Variants in CNTNAP3B observed in about 807,000 individuals in gnomAD.
CNTNAP3B encodes the protein contactin associated protein family member 3B, also known as contactin-associated protein-like 3B.
CNTNAP3B carries 25 observed loss-of-function variants against 108.9 expected under a neutral mutation model. The observed-to-expected ratio is 0.23, with a 90% confidence interval of 0.17 to 0.32. CNTNAP3B has a LOEUF of 0.32. Ranked by LOEUF, CNTNAP3B falls within the 10% of genes least tolerant of loss-of-function variation. CNTNAP3B has a pLI of 1.00. For missense variants in CNTNAP3B, 252 were observed against 1,210.4 expected (o/e 0.21, Z 11.75); for synonymous variants, 103 against 473.4 (o/e 0.22, Z 10.16).
At chr9:42,095,384 G>C (rs1370682201) in intron 2 of CNTNAP3B, among the ~76,000 whole-genome samples, 1 of 139,194 alleles carries the variant, frequency 7.2e-6, no homozygotes, top group Non-Finnish European at 1.5e-5. Context: ...CACCTTTGAT[G>C]TACTTGGCTC....
rs1476511374 is a variant in CNTNAP3B at position 41,929,221 on chromosome 9, C to A, written c.2365+96G>T. 6 of 1,433,568 alleles carry A rather than the reference C, an allele frequency of 4.2e-6. 1 individual carries two copies. In the South Asian group the frequency reaches 5.9e-5, roughly 14 times the overall value. 88.8% of individuals were successfully genotyped at this position (1,433,568 alleles called of 1,614,324 possible). ...ATTCGCCCCAGTCCTAGTACTGCCA[C>A]TATTCTCTTTCTGGCAAGAACAAGG... On this transcript the variant is annotated intron_variant, in intron 15 of 23. Coordinates refer to ENST00000377561, the MANE Select transcript of CNTNAP3B (RefSeq NM_001201380.3).
chr9:42,079,842 A>T lies in CNTNAP3B; in HGVS notation c.197-2780T>A, dbSNP rs1393476836. Among the ~76,000 whole-genome samples the T allele has an allele frequency of 5.9e-5, 8 of 135,906 alleles. 1 individual carries two copies. Among genetic ancestry groups the T allele is most frequent in the African/African-American group, 2.4e-4 (8 of 33,738 alleles). 89.2% of individuals were successfully genotyped at this position (135,906 alleles called of 152,430 possible). On this transcript the variant is annotated intron_variant, in intron 2 of 23. Coordinates refer to ENST00000377561, the MANE Select transcript of CNTNAP3B (RefSeq NM_001201380.3). ...GCCTATTTTATGGTTGTTTTAAAAGAGTTGGGAGAAGGTGAAGGAGATGCT... is the reference window on the plus strand; with the variant it reads ...GCCTATTTTATGGTTGTTTTAAAAGTGTTGGGAGAAGGTGAAGGAGATGCT...
chr9:41,925,562 C>A (rs1823793599), intron 15 of CNTNAP3B, among the ~76,000 whole-genome samples: 1 of 152,216 alleles, frequency 6.6e-6, no homozygotes, highest in Non-Finnish European at 1.5e-5. Context: ...CACTGCACTC[C>A]AGCCTGCGCA....
rs974840660 is a variant in CNTNAP3B at position 42,113,969 on chromosome 9, A to G, written c.86-9230T>C. ...AAAACTAAAAAAATTAAAAATAATA[A>G]TAATTCTTTCTATGCACCTCTGAGA... is the stretch of plus-strand genomic sequence containing the variant. On this transcript the variant is annotated intron_variant, in intron 1 of 23. Transcript: ENST00000377561. Among the ~76,000 whole-genome samples, 25 of 132,908 alleles carry G rather than the reference A, an allele frequency of 1.9e-4. 4 individuals carry two copies. The highest frequency in any genetic ancestry group is 7.3e-4 in the African/African-American group (24 of 32,802). 87.2% of individuals were successfully genotyped at this position (132,908 alleles called of 152,430 possible). A position where few individuals can be genotyped will look rare whatever the true frequency, so the allele number is the denominator to read the frequency against.
At chr9:42,122,310 A>T (rs1828479894) in intron 1 of CNTNAP3B, among the ~76,000 whole-genome samples, 1 of 139,266 alleles carries the variant, frequency 7.2e-6, no homozygotes, top group Non-Finnish European at 1.5e-5. Context: ...TTGTTAGTGG[A>T]CAAGAATGAA....
At chr9:41,922,088 T>C (rs1823684654) in intron 17 of CNTNAP3B, among the ~76,000 whole-genome samples, 1 of 141,652 alleles carries the variant, frequency 7.1e-6, no homozygotes. Flanking sequence ...CTGGGATCTC[T>C]CTCATTAGCT....
intron 1 of CNTNAP3B, among the ~76,000 whole-genome samples, chr9:42,120,854 G>A (rs1196039659): frequency 1.2e-4 from 16 of 132,134 alleles, no homozygotes; most frequent in Non-Finnish European, 9.6e-5. Context: ...GATAGCATTA[G>A]GAGATATACC....
In CNTNAP3B at chr9:41,924,280, G is replaced by C. The variant is rs1412158891; in HGVS notation, c.2366-187C>G. Among the ~76,000 whole-genome samples, 4 of 152,308 alleles carry C rather than the reference G, an allele frequency of 2.6e-5. No homozygotes were observed. In the East Asian group the frequency reaches 7.7e-4, roughly 29 times the overall value. ...AAGAGCTAAATGGTGATTACGCTGA[G>C]GATTGGAATTCTGTGTTCAGAGAAG... On this transcript the variant is annotated intron_variant, in intron 15 of 23. Coordinates refer to ENST00000377561, the MANE Select transcript of CNTNAP3B (RefSeq NM_001201380.3).
intron 1 of CNTNAP3B, among the ~76,000 whole-genome samples, chr9:42,127,852 A>G (rs1278584776): frequency 2.2e-5 from 3 of 138,856 alleles, no homozygotes; most frequent in South Asian, 4.6e-4. Context: ...CCTTGAGCCC[A>G]CAGGCAGAAC....
At chr9:41,956,083 A>G (rs1404726738) in intron 12 of CNTNAP3B, among the ~76,000 whole-genome samples, 1 of 152,234 alleles carries the variant, frequency 6.6e-6, no homozygotes, top group African/African-American at 2.4e-5. Flanking sequence ...AGAGTAAAAA[A>G]AAAAATAATA....
intron 3 of CNTNAP3B, among the ~76,000 whole-genome samples, chr9:42,055,320 G>C (rs1363181947): frequency 7.6e-6 from 1 of 130,794 alleles, no homozygotes; most frequent in African/African-American, 3.1e-5. Flanking sequence ...TATATTCATT[G>C]TGGGAATTTC....
intron 2 of CNTNAP3B, among the ~76,000 whole-genome samples, chr9:42,093,475 T>C (rs1367816798): frequency 1.1e-5 from 1 of 92,334 alleles, no homozygotes; most frequent in African/African-American, 4.0e-5. Context: ...GTAATACACA[T>C]CACAGGAAAT....
rs1432970184 is a variant in CNTNAP3B at position 42,118,521 on chromosome 9, C to T, written c.85+10489G>A. On this transcript the variant is annotated intron_variant, in intron 1 of 23. Coordinates refer to ENST00000377561, the MANE Select transcript of CNTNAP3B (RefSeq NM_001201380.3). The stretch of plus-strand genomic sequence containing the variant: ...TCAACAAATTAGGTATTGATGGCAC[C>T]TATCTCAAAATAATAAGAGCTATCT... Among the ~76,000 whole-genome samples the T allele has an allele frequency of 1.5e-5, 2 of 132,440 alleles. 1 individual carries two copies. Among genetic ancestry groups the T allele is most frequent in the East Asian group, 4.7e-4 (2 of 4,226 alleles). The allele number at this position is 132,440 out of a possible 152,430, so 86.9% of individuals were successfully genotyped here.
chr9:41,918,073 G>A (rs1823567446), intron 18 of CNTNAP3B, among the ~76,000 whole-genome samples: 1 of 152,222 alleles, frequency 6.6e-6, no homozygotes, highest in Non-Finnish European at 1.5e-5. Flanking sequence ...AGTTATGCCT[G>A]TTTCGTATGA....
chr9:41,954,142 G>T (rs1160209710), intron 12 of CNTNAP3B, among the ~76,000 whole-genome samples: 1 of 152,236 alleles, frequency 6.6e-6, no homozygotes, highest in African/African-American at 2.4e-5. Context: ...TGCTGGTGCT[G>T]TCTGGTCCTT....
At chr9:41,931,132 T>C (rs1823966137) in intron 14 of CNTNAP3B, among the ~76,000 whole-genome samples, 1 of 152,290 alleles carries the variant, frequency 6.6e-6, no homozygotes. Flanking sequence ...CAATAATTGA[T>C]ATTTCATCAT....
intron 12 of CNTNAP3B, among the ~76,000 whole-genome samples, chr9:41,954,496 G>T (rs1824796219): frequency 6.6e-6 from 1 of 152,252 alleles, no homozygotes; most frequent in South Asian, 2.1e-4. Flanking sequence ...GCAAAGGTGT[G>T]ATACCCACAA....
At position 42,126,550 on chromosome 9, in the gene CNTNAP3B, G is replaced by A. The variant is rs569592249; in HGVS notation, c.85+2460C>T. Among the ~76,000 whole-genome samples, 6 of 137,092 alleles carry A rather than the reference G, an allele frequency of 4.4e-5. No individual in the cohort carries two copies. The South Asian group carries it at 7.1e-4, about 16-fold the overall frequency. 89.9% of individuals were successfully genotyped at this position (137,092 alleles called of 152,430 possible). A position where few individuals can be genotyped will look rare whatever the true frequency, so the allele number is the denominator to read the frequency against. ...ATAAACTGCACATAATCCCCAAAAT[G>A]CCAAATGTTTAGAGAGCTTTTTTTT... On this transcript the variant is annotated intron_variant, in intron 1 of 23. Coordinates refer to ENST00000377561, the MANE Select transcript of CNTNAP3B (RefSeq NM_001201380.3).
At chr9:41,928,448 G>A (rs1297418848) in intron 15 of CNTNAP3B, among the ~76,000 whole-genome samples, 1 of 151,848 alleles carries the variant, frequency 6.6e-6, no homozygotes, top group East Asian at 1.9e-4. Flanking sequence ...TCTCTGGGGA[G>A]TGAGTACACA....
Sources: allele counts gnomAD v4.1 joint callset (sites outside exome capture counted in the v4.1 genomes callset), GRCh38; gene constraint gnomAD v4.1.1; transcripts MANE v1.5; gene names NCBI Gene and HGNC (gene_info 2026-07-23, HGNC 2026-07-21).